GNG2: variants seen among roughly 807,000 people sequenced by gnomAD.
The protein encoded by GNG2 is G protein subunit gamma 2.
Under a neutral mutation model 5.5 loss-of-function variants are expected in GNG2, and 5 were observed. The ratio of observed to expected loss-of-function variants is 0.91; its 90% CI spans 0.48 to 1.92. GNG2 has a LOEUF of 1.92. Among genes scored for constraint, GNG2 ranks in the 30% most tolerant of loss-of-function variants. The pLI, the probability that GNG2 is intolerant of heterozygous loss-of-function variation, is 0.01. For missense variants in GNG2, 55 were observed against 88.4 expected (o/e 0.62, Z 1.52); for synonymous variants, 28 against 32.0 (o/e 0.88, Z 0.42).
At chr14:51,868,002 A>G (rs1012253874) in intron 1 of GNG2, among the ~76,000 whole-genome samples, 1 of 152,072 alleles carries the variant, frequency 6.6e-6, no homozygotes, top group Non-Finnish European at 1.5e-5. Flanking sequence ...TTTATCATTC[A>G]TTTATTTAAT....
chr14:51,914,128 T>A, intron 2 of GNG2: 1 of 664,386 alleles, frequency 1.5e-6, no homozygotes, highest in Non-Finnish European at 2.7e-6. Flanking sequence ...GAAATTGCAA[T>A]CATCTTGTTT....
intron 2 of GNG2, among the ~76,000 whole-genome samples, chr14:51,908,732 G>C (rs182870969): frequency 1.6e-5 from 1 of 60,988 alleles, no homozygotes; most frequent in African/African-American, 5.9e-5. Context: ...ACCACACCCA[G>C]CTAATTTTTT....
chr14:51,954,791 G>A (rs1370712421), intron 3 of GNG2, among the ~76,000 whole-genome samples: 1 of 152,130 alleles, frequency 6.6e-6, no homozygotes, highest in Non-Finnish European at 1.5e-5. Context: ...ATGGTTCCCA[G>A]GATCACAACT....
chr14:51,861,529 C>A (rs1042320030), intron 1 of GNG2: 1 of 152,174 alleles, frequency 6.6e-6, no homozygotes, highest in Non-Finnish European at 1.5e-5. Flanking sequence ...GGTCAAGGTG[C>A]ATGTTAGCCT....
At chr14:51,935,025 CT>C (rs35195529) in intron 2 of GNG2, among the ~76,000 whole-genome samples, 5 of 104,578 alleles carry the variant, frequency 4.8e-5, no homozygotes, top group Non-Finnish European at 1.0e-4. Flanking sequence ...CAGTTTCTTT[CT>C]TTTTTTTTTT....
At chr14:51,871,251 GA>G (rs572687513) in intron 1 of GNG2, among the ~76,000 whole-genome samples, 101 of 146,422 alleles carry the variant, frequency 6.9e-4, no homozygotes, top group African/African-American at 2.4e-3. Context: ...TTTTTCTTTG[GA>G]AAAAAGTTGA....
chr14:51,913,305 T>G (rs969612739), intron 2 of GNG2: 7 of 152,160 alleles, frequency 4.6e-5, no homozygotes, highest in African/African-American at 1.7e-4. Flanking sequence ...GGCCAGGAGT[T>G]TGAGACCAGC....
intron 3 of GNG2, 137 bp downstream of exon 3, chr14:51,950,902 CG>C: frequency 2.2e-6 from 1 of 464,174 alleles, no homozygotes; most frequent in East Asian, 3.5e-5. Flanking sequence ...TCATTTCTAA[CG>C]TGTCTTTCCC....
At chr14:51,917,540 A>T (rs1257102981) in intron 2 of GNG2, 7 of 417,442 alleles carry the variant, frequency 1.7e-5, no homozygotes, top group Non-Finnish European at 2.4e-5. Context: ...CAAATAGCAT[A>T]AATCTTGCAC....
In GNG2 at chr14:51,853,482, T is replaced by G. The variant is rs576546017; in HGVS notation, c.64+25675T>G. On this transcript the variant is annotated intron_variant, in intron 2 of 3. Transcript: ENST00000553432. The stretch of plus-strand genomic sequence containing the variant: ...GGAGCCAAGGAAGGTCACAAGTAAA[T>G]TTATGAAAACCCCTTCCAGTAGGGA... Among the ~76,000 whole-genome samples the G allele has an allele frequency of 2.0e-5, 3 of 152,268 alleles. No individual in the cohort carries two copies. The East Asian group carries it at 5.8e-4, about 29-fold the overall frequency.
At chr14:51,864,050 G>A (rs375129222) in intron 1 of GNG2, among the ~76,000 whole-genome samples, 2 of 152,170 alleles carry the variant, frequency 1.3e-5, no homozygotes, top group African/African-American at 4.8e-5. Context: ...ATGGAACACA[G>A]TAATTATATA....
At position 51,876,693 on chromosome 14, in the gene GNG2, A is replaced by G. The variant is rs143349642; in HGVS notation, c.-70-924A>G. ...GCCCATTTAAAAACATATGGCCCCT[A>G]TGGTAGTCTGGGAATATAATTGGTT... On this transcript the variant is annotated intron_variant, in intron 1 of 3. Coordinates refer to ENST00000556766, the MANE Select transcript of GNG2 (RefSeq NM_053064.5). Among the ~76,000 whole-genome samples the G allele has an allele frequency of 1.3e-3, 200 of 152,018 alleles. 1 individual carries two copies. Among genetic ancestry groups the G allele is most frequent in the African/African-American group, 4.7e-3 (195 of 41,450 alleles).
intron 2 of GNG2, among the ~76,000 whole-genome samples, chr14:51,923,690 A>T (rs530640448): frequency 2.0e-5 from 3 of 152,196 alleles, no homozygotes; most frequent in African/African-American, 7.2e-5. Context: ...AATTGCAACC[A>T]TGTGCCAAGA....
intron 2 of GNG2, chr14:51,916,348 G>A: frequency 2.6e-6 from 1 of 385,812 alleles, no homozygotes; most frequent in East Asian, 7.6e-5. Context: ...GATAAATGGA[G>A]TAGTTGAGAA....
At chr14:51,917,105 C>T (rs968786500) in intron 2 of GNG2, among the ~76,000 whole-genome samples, 1 of 152,104 alleles carries the variant, frequency 6.6e-6, no homozygotes, top group African/African-American at 2.4e-5. Flanking sequence ...AGGAAAAACG[C>T]GATTTAATGG....
intron 2 of GNG2, among the ~76,000 whole-genome samples, chr14:51,948,258 A>T (rs946469444): frequency 1.3e-5 from 2 of 152,232 alleles, no homozygotes; most frequent in Non-Finnish European, 2.9e-5. Flanking sequence ...TAAGAAAAAA[A>T]GTGTCGTTAC....
rs1445313036 is a variant in GNG2, at chr14:51,889,109, C to CCTTTTTTTTTTTTTTTTTTT, written c.-30+11452_-30+11453insCTTTTTTTTTTTTTTTTTTT. Among the ~76,000 whole-genome samples the CCTTTTTTTTTTTTTTTTTTT allele has an allele frequency of 3.4e-5, 4 of 118,938 alleles. 2 individuals carry two copies. Among genetic ancestry groups the CCTTTTTTTTTTTTTTTTTTT allele is most frequent in the Non-Finnish European group, 7.1e-5 (4 of 56,462 alleles). The allele number at this position is 118,938 out of a possible 152,430, so 78.0% of individuals were successfully genotyped here. ...GACTGCTAATGGGTATGGGTTTGCGCTTTTTTTTTTTTTTTTTTTTTGAGA... is the reference window on the plus strand; with the variant it reads ...GACTGCTAATGGGTATGGGTTTGCGCCTTTTTTTTTTTTTTTTTTTTTTTTTTTTTTTTTTTTTTTTGAGA... On this transcript the variant is annotated intron_variant, in intron 2 of 3. Transcript: ENST00000556766.
At chr14:51,964,730 G>A (rs1889798901) in intron 3 of GNG2, among the ~76,000 whole-genome samples, 1 of 152,170 alleles carries the variant, frequency 6.6e-6, no homozygotes, top group Non-Finnish European at 1.5e-5. Context: ...AAGTAAAAAA[G>A]GCCAGGCACA....
chr14:51,947,135 T>C (rs921942016), intron 2 of GNG2, among the ~76,000 whole-genome samples: 1 of 152,194 alleles, frequency 6.6e-6, no homozygotes, highest in South Asian at 2.1e-4. Flanking sequence ...TACTGCCCCA[T>C]GCCTCTTCTT....
Sources: allele counts gnomAD v4.1 joint callset (sites outside exome capture counted in the v4.1 genomes callset), GRCh38; gene constraint gnomAD v4.1.1; transcripts MANE v1.5; gene names NCBI Gene and HGNC (gene_info 2026-07-23, HGNC 2026-07-21).